The following LMBRD1 variants were observed in gnomAD, a reference collection of about 807,000 sequenced individuals.
LMBRD1 encodes LMBR1 domain containing 1, also known as lysosomal cobalamin transport escort protein LMBD1.
Under a neutral mutation model 74.8 loss-of-function variants are expected in LMBRD1, and 64 were observed. That is an observed-to-expected ratio of 0.86 (90% CI 0.70 to 1.05). The LOEUF is 1.05. Among genes scored for constraint, LMBRD1 ranks in the 50% least tolerant of loss-of-function variants. The probability of loss-of-function intolerance (pLI) is 0.00; values close to 1 mark genes in which losing one functional copy is unlikely to be tolerated. For synonymous variants in LMBRD1, 204 were observed against 216.3 expected, an observed-to-expected ratio of 0.94 and a Z score of 0.50; for missense variants, 652 against 645.9, an observed-to-expected ratio of 1.01 and a Z score of -0.10.
At chr6:69,726,891 T>C (rs1201792545) in intron 7 of LMBRD1, among the ~76,000 whole-genome samples, 1 of 152,112 alleles carries the variant, frequency 6.6e-6, no homozygotes, top group Admixed American at 6.6e-5. Flanking sequence ...AGGTGGCACA[T>C]GCCTGTAATC....
At chr6:69,768,458 A>T (rs941481077) in intron 3 of LMBRD1, among the ~76,000 whole-genome samples, 3 of 151,616 alleles carry the variant, frequency 2.0e-5, no homozygotes, top group African/African-American at 7.3e-5. Flanking sequence ...CAAAATATAT[A>T]TTTTTTAAAA....
At chr6:69,691,108 A>T (rs1765867245) in intron 14 of LMBRD1, among the ~76,000 whole-genome samples, 1 of 145,128 alleles carries the variant, frequency 6.9e-6, no homozygotes. Flanking sequence ...TCAAACAACC[A>T]TTTCCATTAT....
intron 14 of LMBRD1, among the ~76,000 whole-genome samples, chr6:69,692,289 G>A (rs72923848): frequency 2.0e-5 from 1 of 50,152 alleles, no homozygotes; most frequent in South Asian, 7.6e-4. Flanking sequence ...TCTCTCTCTC[G>A]CTCTCTCTCT....
chr6:69,725,504 C>G (rs1170354873), intron 7 of LMBRD1, among the ~76,000 whole-genome samples: 2 of 151,994 alleles, frequency 1.3e-5, no homozygotes, highest in Non-Finnish European at 2.9e-5. Context: ...GCTATAGTAA[C>G]TAAAACAGCA....
At chr6:69,746,325 T>A (rs889951942) in intron 5 of LMBRD1, 6 of 153,346 alleles carry the variant, frequency 3.9e-5, no homozygotes, top group African/African-American at 1.4e-4. Context: ...TCCTGCACTA[T>A]CAACTGCTTA....
intron 12 of LMBRD1, among the ~76,000 whole-genome samples, chr6:69,699,937 G>A (rs1304530178): frequency 6.6e-6 from 1 of 151,788 alleles, no homozygotes; most frequent in Non-Finnish European, 1.5e-5. Context: ...AACATGAAAA[G>A]GAAAGCAGAA....
At position 69,674,834 on chromosome 6, in the gene LMBRD1, A is replaced by G. The variant is rs964592262; in HGVS notation, c.*1324T>C. On this transcript the variant is annotated 3_prime_UTR_variant, in exon 16 of 16. Coordinates refer to ENST00000649934, the MANE Select transcript of LMBRD1 (RefSeq NM_018368.4). ...CTAAAAATACAAAAACTAGCCAGGCATGGTGGCACATGCCTGTAATCCCAG... is the reference window on the plus strand; with the variant it reads ...CTAAAAATACAAAAACTAGCCAGGCGTGGTGGCACATGCCTGTAATCCCAG... Among the ~76,000 whole-genome samples the G allele has an allele frequency of 6.6e-6, 1 of 152,046 alleles. No homozygotes were observed. Among genetic ancestry groups the G allele is most frequent in the Non-Finnish European group, 1.5e-5 (1 of 67,972 alleles).
chr6:69,741,557 T>C (rs1474968958), intron 6 of LMBRD1, among the ~76,000 whole-genome samples: 3 of 152,160 alleles, frequency 2.0e-5, no homozygotes, highest in Non-Finnish European at 4.4e-5. Context: ...AGCTAATTTT[T>C]GTATTTTTAG....
Position 69,779,530 on chromosome 6 carries a change from G to A in LMBRD1, c.307+964C>T, listed in dbSNP as rs1352705595. ...AAATGACTCTGTGGAGAGTAAAGTTGATAGTACAAATTCCCCAGAGACTGC... is the reference window on the plus strand; with the variant it reads ...AAATGACTCTGTGGAGAGTAAAGTTAATAGTACAAATTCCCCAGAGACTGC... On this transcript the variant is annotated intron_variant, in intron 3 of 15. Coordinates refer to ENST00000649934, the MANE Select transcript of LMBRD1 (RefSeq NM_018368.4). 3.9e-5 allele frequency among the ~76,000 whole-genome samples: 6 copies of A among 152,104 alleles called. No homozygotes were observed. In the East Asian group the frequency reaches 5.8e-4, roughly 15 times the overall value.
rs548942802 is a variant in LMBRD1, at chr6:69,761,112, C to G, written c.308-8756G>C. On this transcript the variant is annotated intron_variant, in intron 3 of 15. Transcript: ENST00000649934. The stretch of plus-strand genomic sequence containing the variant: ...TAATTTGTTACATGACAGTAGATAA[C>G]TAGTACAACTGCTGACAGTATAGCA... Among the ~76,000 whole-genome samples, 17 of 152,288 alleles carry G rather than the reference C, an allele frequency of 1.1e-4. 1 individual carries two copies. The South Asian group carries it at 2.9e-3, about 26-fold the overall frequency.
intron 2 of LMBRD1, among the ~76,000 whole-genome samples, chr6:69,786,938 T>G (rs1765963988): frequency 6.6e-6 from 1 of 152,190 alleles, no homozygotes. Context: ...GAGGTGGAAG[T>G]AGAGAAAGTT....
rs1422387955 is a variant in LMBRD1 at position 69,676,001 on chromosome 6, G to C, written c.*157C>G. The C allele has an allele frequency of 1.5e-6, 1 of 646,102 alleles. No individual in the cohort carries two copies. Among genetic ancestry groups the C allele is most frequent in the African/African-American group, 1.8e-5 (1 of 54,596 alleles). The allele number at this position is 646,102 out of a possible 1,614,324, so 40.0% of individuals were successfully genotyped here. ...TTAAAATGTTAATCTATGATACAAT[G>C]TTACTTCAGAAAACATATAATAAAA... On this transcript the variant is annotated 3_prime_UTR_variant, in exon 16 of 16. Transcript: ENST00000649934.
At chr6:69,721,136 T>G (rs144932258) in intron 7 of LMBRD1, among the ~76,000 whole-genome samples, 1 of 152,324 alleles carries the variant, frequency 6.6e-6, no homozygotes, top group East Asian at 1.9e-4. Flanking sequence ...CAAAATGCTC[T>G]GGAATCCTAG....
intron 7 of LMBRD1, among the ~76,000 whole-genome samples, chr6:69,724,081 C>T (rs985682386): frequency 6.6e-6 from 1 of 151,894 alleles, no homozygotes; most frequent in Non-Finnish European, 1.5e-5. Flanking sequence ...TTCATAGACA[C>T]ATACAACCTA....
chr6:69,755,481 T>C (rs2149879566), intron 3 of LMBRD1, among the ~76,000 whole-genome samples: 1 of 151,412 alleles, frequency 6.6e-6, no homozygotes, highest in Middle Eastern at 3.4e-3. Context: ...ACCTAATGCA[T>C]GCAGGTCTTA....
chr6:69,759,513 G>A (rs1765334234), intron 3 of LMBRD1, among the ~76,000 whole-genome samples: 1 of 151,132 alleles, frequency 6.6e-6, no homozygotes, highest in Admixed American at 6.6e-5. Context: ...TTTATGCTAG[G>A]AATGCAAAAT....
chr6:69,794,758 A>G (rs1766173385), intron 1 of LMBRD1, among the ~76,000 whole-genome samples: 1 of 152,202 alleles, frequency 6.6e-6, no homozygotes. Context: ...ATGAAATGTG[A>G]TATTTTGATA....
In LMBRD1 at chr6:69,713,768, C is replaced by T. The variant is rs1403091153; in HGVS notation, c.792G>A (p.Arg264=). 19 of 1,613,434 alleles carry T rather than the reference C, an allele frequency of 1.2e-5. No homozygotes were observed. In the South Asian group the frequency reaches 1.8e-4, roughly 15 times the overall value. ...CAAATTGTTTTAAGGCGCGTTTATC[C>T]CTTGCTGGCAAAGGTCGACCATCTT... ...KSKDGRPLPA[R]DKRALKQFEE... The change falls in exon 9 of 16, where the codon AGG becomes AGA. Residue 264 remains arginine, a synonymous_variant. Coordinates refer to ENST00000649934, the MANE Select transcript of LMBRD1 (RefSeq NM_018368.4).
intron 10 of LMBRD1, 55 bp from the exon 11 acceptor site, chr6:69,701,600 AT>A: frequency 9.1e-7 from 1 of 1,098,988 alleles, no homozygotes; most frequent in Non-Finnish European, 1.4e-6. Context: ...TTTTCAGCAA[AT>A]TTAGAAAAAA....
Sources: gnomAD v4.1 joint callset for allele counts (sites outside exome capture counted in the v4.1 genomes callset) on GRCh38, gnomAD v4.1.1 for gene constraint, MANE v1.5 for transcripts, NCBI Gene and HGNC (gene_info 2026-07-23, HGNC 2026-07-21) for gene names.